The following ELOVL7 variants were observed in gnomAD, a reference collection of about 807,000 sequenced individuals.
ELOVL7 encodes ELOVL fatty acid elongase 7.
In ELOVL7, 27 loss-of-function variants were observed where a neutral mutation model predicts 35.7. The observed-to-expected ratio is 0.76, with a 90% CI of 0.56 to 1.04. ELOVL7 has a LOEUF of 1.04. Ranked by LOEUF, ELOVL7 falls within the 50% of genes least tolerant of loss-of-function variation. The pLI, the probability that ELOVL7 is intolerant of heterozygous loss-of-function variation, is 0.00. For synonymous variants in ELOVL7, 113 were observed against 114.6 expected (o/e 0.99, Z 0.09); for missense variants, 327 against 340.8 (o/e 0.96, Z 0.32).
intron 2 of ELOVL7, among the ~76,000 whole-genome samples, chr5:60,790,462 A>G (rs1185371698): frequency 6.6e-6 from 1 of 152,204 alleles, no homozygotes; most frequent in Non-Finnish European, 1.5e-5. Flanking sequence ...CACCCAAAAT[A>G]GAAATTTTGT....
At chr5:60,815,351 A>G (rs1745457739) in intron 1 of ELOVL7, among the ~76,000 whole-genome samples, 3 of 152,322 alleles carry the variant, frequency 2.0e-5, no homozygotes, top group East Asian at 1.9e-4. Flanking sequence ...AATAACCTAA[A>G]TATACACTAA....
intron 2 of ELOVL7, among the ~76,000 whole-genome samples, chr5:60,797,216 A>G (rs1404173415): frequency 6.6e-6 from 1 of 152,244 alleles, no homozygotes; most frequent in East Asian, 1.9e-4. Flanking sequence ...CAATATATAC[A>G]TACTATACAC....
intron 2 of ELOVL7, among the ~76,000 whole-genome samples, chr5:60,797,989 C>T (rs1399714796): frequency 2.0e-5 from 3 of 152,202 alleles, no homozygotes; most frequent in African/African-American, 7.2e-5. Context: ...CTACCTGTGA[C>T]CTGGAAGCCC....
chr5:60,811,437 A>C (rs1384641225), intron 1 of ELOVL7, among the ~76,000 whole-genome samples: 1 of 152,138 alleles, frequency 6.6e-6, no homozygotes, highest in Non-Finnish European at 1.5e-5. Flanking sequence ...TTCCCACTAC[A>C]TTTTGTTAGA....
At chr5:60,762,248 G>A (rs1488371075) in intron 7 of ELOVL7, among the ~76,000 whole-genome samples, 3 of 138,638 alleles carry the variant, frequency 2.2e-5, no homozygotes, top group South Asian at 2.2e-4. Flanking sequence ...GCAGTGAGCC[G>A]AGATCACACC....
chr5:60,843,962 C>A (rs1747343330), intron 1 of ELOVL7, among the ~76,000 whole-genome samples, 198 bp downstream of exon 1: 1 of 152,150 alleles, frequency 6.6e-6, no homozygotes, highest in Admixed American at 6.5e-5. Context: ...CCAAGCGCCT[C>A]CCGAGCCCAG....
intron 1 of ELOVL7, among the ~76,000 whole-genome samples, chr5:60,814,690 TCA>T (rs2112330589): frequency 6.6e-6 from 1 of 152,300 alleles, no homozygotes; most frequent in South Asian, 2.1e-4. Context: ...TTGCCCCAGA[TCA>T]CACAGTTACT....
At chr5:60,800,877 G>A (rs1744568233) in intron 1 of ELOVL7, among the ~76,000 whole-genome samples, 2 of 152,124 alleles carry the variant, frequency 1.3e-5, no homozygotes, top group Admixed American at 1.3e-4. Context: ...AGTTATGGAA[G>A]GTCAACTGTA....
Position 60,793,679 on chromosome 5 carries a change from G to A in ELOVL7, c.-35+5501C>T, listed in dbSNP as rs1185605724. On this transcript the variant is annotated intron_variant, in intron 2 of 8. Transcript: ENST00000508821. The stretch of plus-strand genomic sequence containing the variant: ...GCAAGAGATCCTTGTCATTTTTCTG[G>A]GAGGACTCTCAGAGGACTTGTCTGA... Among the ~76,000 whole-genome samples the A allele has an allele frequency of 2.0e-5, 3 of 152,094 alleles. No individual in the cohort carries two copies. In the East Asian group the frequency reaches 5.8e-4, roughly 29 times the overall value.
chr5:60,817,104 A>T (rs1012582159), intron 1 of ELOVL7, among the ~76,000 whole-genome samples: 2 of 152,184 alleles, frequency 1.3e-5, no homozygotes, highest in Admixed American at 6.5e-5. Flanking sequence ...ATTAAATATG[A>T]CCACTTTAAA....
In ELOVL7 at chr5:60,771,923, A is replaced by T. The variant is rs1742614673; in HGVS notation, c.235T>A (p.Ser79Thr). ...ITYNFFIVLF[S>T]VYMCYEFVMS... Reference sequence around the variant, plus strand: ...CTTGCCTCATAACACATATACACAGAAAAGAGTACTATGAAAAAATTGTAC... The same window carrying T: ...CTTGCCTCATAACACATATACACAGTAAAGAGTACTATGAAAAAATTGTAC... The change falls in exon 4 of 9, where the codon TCT becomes ACT. Residue 79 changes from serine to threonine, a missense_variant. By Grantham distance (58) the Ser-to-Thr change is moderately conservative (BLOSUM62 1). Coordinates refer to ENST00000508821, the MANE Select transcript of ELOVL7 (RefSeq NM_024930.3). The T allele has an allele frequency of 6.2e-7, 1 of 1,612,058 alleles. No individual in the cohort carries two copies. The highest frequency in any genetic ancestry group is 8.5e-7 in the Non-Finnish European group (1 of 1,179,118).
chr5:60,819,568 G>T (rs538460698), intron 1 of ELOVL7, among the ~76,000 whole-genome samples: 2 of 152,088 alleles, frequency 1.3e-5, no homozygotes, highest in African/African-American at 2.4e-5. Flanking sequence ...GATCACCTGA[G>T]GTCAGGAGTT....
chr5:60,760,026 T>C (rs1476281663), intron 7 of ELOVL7, among the ~76,000 whole-genome samples: 3 of 152,236 alleles, frequency 2.0e-5, no homozygotes, highest in African/African-American at 4.8e-5. Flanking sequence ...ATTTTCCTAA[T>C]CCAGTCTATC....
rs528040178 is a variant in ELOVL7 at position 60,761,099 on chromosome 5, C to T, written c.499+3128G>A. On this transcript the variant is annotated intron_variant, in intron 7 of 8. Coordinates refer to ENST00000508821, the MANE Select transcript of ELOVL7 (RefSeq NM_024930.3). The stretch of plus-strand genomic sequence containing the variant: ...TTTTGTATCTTCTTTGGAAGGCTTT[C>T]CTAACAAAATATTTTCTAAGCCTGT... Among the ~76,000 whole-genome samples, 142 of 152,172 alleles carry T rather than the reference C, an allele frequency of 9.3e-4. 1 individual carries two copies. The highest frequency in any genetic ancestry group is 1.6e-3 in the Non-Finnish European group (108 of 68,002).
At chr5:60,806,427 A>C (rs560692359) in intron 1 of ELOVL7, among the ~76,000 whole-genome samples, 1 of 152,298 alleles carries the variant, frequency 6.6e-6, no homozygotes, top group South Asian at 2.1e-4. Flanking sequence ...GGAGCAGACT[A>C]AATCTCTGTG....
intron 4 of ELOVL7, among the ~76,000 whole-genome samples, 154 bp from the exon 5 acceptor site, chr5:60,768,057 CT>C (rs2112164682): frequency 6.6e-6 from 1 of 152,268 alleles, no homozygotes; most frequent in South Asian, 2.1e-4. Flanking sequence ...AATGAACATG[CT>C]TGATATCAAA....
intron 3 of ELOVL7, among the ~76,000 whole-genome samples, chr5:60,782,598 A>G (rs1405099120): frequency 6.6e-6 from 1 of 152,260 alleles, no homozygotes; most frequent in African/African-American, 2.4e-5. Context: ...ATAGATAGAA[A>G]TAACCAATGG....
At chr5:60,841,838 T>C (rs1747191898) in intron 1 of ELOVL7, among the ~76,000 whole-genome samples, 2 of 152,242 alleles carry the variant, frequency 1.3e-5, no homozygotes, top group Admixed American at 6.5e-5. Context: ...CTAAATGTAA[T>C]GTTTCATCAG....
chr5:60,798,043 G>T (rs991112476), intron 2 of ELOVL7, among the ~76,000 whole-genome samples: 2 of 152,016 alleles, frequency 1.3e-5, no homozygotes, highest in Non-Finnish European at 2.9e-5. Flanking sequence ...GAGTTGTCCC[G>T]CGTTTCCACA....
Sources: allele counts gnomAD v4.1 joint callset (sites outside exome capture counted in the v4.1 genomes callset), GRCh38; gene constraint gnomAD v4.1.1; transcripts MANE v1.5; gene names NCBI Gene and HGNC (gene_info 2026-07-23, HGNC 2026-07-21).